MCCC2: variants seen among roughly 807,000 people sequenced by gnomAD.
MCCC2 encodes the protein methylcrotonyl-CoA carboxylase subunit 2.
A neutral mutation model predicts 77.2 loss-of-function variants in MCCC2; 52 were observed. The observed-to-expected ratio is 0.67, with a 90% CI of 0.54 to 0.85. The LOEUF (loss-of-function observed/expected upper bound fraction) is 0.85. Among genes scored for constraint, MCCC2 ranks in the 40% least tolerant of loss-of-function variants. MCCC2 has a pLI of 0.00. For synonymous variants in MCCC2, 253 were observed against 248.4 expected (o/e 1.02, Z -0.18); for missense variants, 682 against 703.2 (o/e 0.97, Z 0.34).
At chr5:71,643,470 T>C (rs1253739462) in intron 11 of MCCC2, among the ~76,000 whole-genome samples, 1 of 152,236 alleles carries the variant, frequency 6.6e-6, no homozygotes, top group Non-Finnish European at 1.5e-5. Flanking sequence ...TATTTTGATA[T>C]TAAAAATGAT....
chr5:71,632,776 G>T (rs1306105511), intron 8 of MCCC2, among the ~76,000 whole-genome samples: 1 of 152,144 alleles, frequency 6.6e-6, no homozygotes, highest in Admixed American at 6.5e-5. Flanking sequence ...ATCAGACACA[G>T]ATGCACGTAG....
chr5:71,632,091 T>C, intron 7 of MCCC2, 30 bp from the exon 8 acceptor site: 1 of 1,609,268 alleles, frequency 6.2e-7, no homozygotes, highest in East Asian at 2.2e-5. Context: ...GATGGACCGA[T>C]TTCACTGATG....
chr5:71,613,128 C>T (rs895918098), intron 6 of MCCC2, among the ~76,000 whole-genome samples: 2 of 152,218 alleles, frequency 1.3e-5, no homozygotes, highest in African/African-American at 4.8e-5. Flanking sequence ...GATTTAGGGA[C>T]CACCCAGGTA....
chr5:71,626,873 T>A, intron 7 of MCCC2, 120 bp downstream of exon 7: 3 of 966,012 alleles, frequency 3.1e-6, no homozygotes, highest in Non-Finnish European at 4.8e-6. Flanking sequence ...ACATAAAACT[T>A]ACTGTTGTAA....
chr5:71,633,131 A>ATATATTTTTTTTTTTTAT (rs1554137344), intron 8 of MCCC2, among the ~76,000 whole-genome samples: 1 of 78,094 alleles, frequency 1.3e-5, no homozygotes, highest in Non-Finnish European at 2.4e-5. Context: ...ATATATATAT[A>ATATATTTTTTTTTTTTAT]TTTTTATTTT....
At chr5:71,618,623 T>A (rs1256494228) in intron 6 of MCCC2, among the ~76,000 whole-genome samples, 2 of 151,708 alleles carry the variant, frequency 1.3e-5, no homozygotes, top group African/African-American at 4.9e-5. Context: ...CTGGCTTAAG[T>A]TATCCTCCCA....
chr5:71,626,792 T>G lies in MCCC2; in HGVS notation c.738+39T>G, dbSNP rs576125102. 80 of 1,510,106 alleles carry G rather than the reference T, an allele frequency of 5.3e-5. 1 individual carries two copies. Among genetic ancestry groups the G allele is most frequent in the Non-Finnish European group, 1.4e-5 (15 of 1,085,674 alleles). 93.5% of individuals were successfully genotyped at this position (1,510,106 alleles called of 1,614,324 possible). A position where few individuals can be genotyped will look rare whatever the true frequency, so the allele number is the denominator to read the frequency against. ...AACGTTGGTCGATGGAAATTAAGTA[T>G]GCAGAACATAAAATACACCATTTAA... On this transcript the variant is annotated intron_variant, in intron 7 of 16. Coordinates refer to ENST00000340941, the MANE Select transcript of MCCC2 (RefSeq NM_022132.5).
rs182712095 is a variant in MCCC2, at chr5:71,652,096, A to G, written c.1489-573A>G. Among the ~76,000 whole-genome samples the G allele has an allele frequency of 2.7e-3, 409 of 152,312 alleles. 2 individuals carry two copies. Among genetic ancestry groups the G allele is most frequent in the Non-Finnish European group, 4.8e-3 (329 of 68,038 alleles). ...GTTGAAAGTATTTTTCAGGGTTTCAAATTAAGTTCTGAAGATTTTTACATC... is the reference window on the plus strand; with the variant it reads ...GTTGAAAGTATTTTTCAGGGTTTCAGATTAAGTTCTGAAGATTTTTACATC... On this transcript the variant is annotated intron_variant, in intron 15 of 16. Transcript: ENST00000340941.
rs150591260 is a variant in MCCC2, at chr5:71,641,018, G to C, written c.1015G>C (p.Val339Leu). Residue 339 changes from valine to leucine, a missense_variant, in exon 11 of 17, where the codon GTG becomes CTG. Coordinates refer to ENST00000340941, the MANE Select transcript of MCCC2 (RefSeq NM_022132.5). ...FDVREVIARI[V>L]DGSRFTEFKA... ...TTCCTCTTAGGTCATTGCTAGAATC[G>C]TGGATGGAAGCAGATTCACTGAGTT... The C allele has an allele frequency of 6.2e-7, 1 of 1,613,988 alleles. No individual in the cohort carries two copies.
At chr5:71,630,320 C>T (rs543481360) in intron 7 of MCCC2, among the ~76,000 whole-genome samples, 1 of 152,200 alleles carries the variant, frequency 6.6e-6, no homozygotes, top group African/African-American at 2.4e-5. Flanking sequence ...TTTTTGAAGG[C>T]GCTTTTTGTT....
Position 71,587,402 on chromosome 5 carries a change from C to A in MCCC2, c.-24C>A, listed in dbSNP as rs753645824. On this transcript the variant is annotated 5_prime_UTR_variant, in exon 1 of 17. Coordinates refer to ENST00000340941, the MANE Select transcript of MCCC2 (RefSeq NM_022132.5). ...ACCGGCTCCAGGCCAGCGTGGGCCG[C>A]TCTCTCGCTCGGTGCCCGCCGCCAT... 6.1e-5 allele frequency: 93 copies of A among 1,532,526 alleles called. No homozygotes were observed. Among genetic ancestry groups the A allele is most frequent in the Non-Finnish European group, 7.7e-5 (88 of 1,145,600 alleles). 94.9% of individuals were successfully genotyped at this position (1,532,526 alleles called of 1,614,324 possible).
intron 6 of MCCC2, among the ~76,000 whole-genome samples, chr5:71,617,830 A>T (rs1477668475): frequency 6.6e-6 from 1 of 152,236 alleles, no homozygotes; most frequent in East Asian, 1.9e-4. Context: ...GTCTATTGGC[A>T]ATCATACCCG....
In MCCC2 at chr5:71,598,444, ATTAT is replaced by A. The variant is rs1441150443; in HGVS notation, c.282-1208_282-1205del. Among the ~76,000 whole-genome samples, 20 of 150,600 alleles carry A rather than the reference ATTAT, an allele frequency of 1.3e-4. No homozygotes were observed. The South Asian group carries it at 3.4e-3, about 25-fold the overall frequency. On this transcript the variant is annotated intron_variant, in intron 3 of 16. Transcript: ENST00000340941. The stretch of plus-strand genomic sequence containing the variant: ...GATTTTTATTTTAATTAATTAATTA[ATTAT>A]TTATTTTTTGAGATGGAGTTTTGCC...
intron 6 of MCCC2, among the ~76,000 whole-genome samples, chr5:71,619,412 C>G (rs1746288972): frequency 6.6e-6 from 1 of 152,000 alleles, no homozygotes; most frequent in Non-Finnish European, 1.5e-5. Context: ...CACCACCTTG[C>G]CTGGCTAATT....
At position 71,596,463 on chromosome 5, in the gene MCCC2, C is replaced by T. The variant is rs892790187; in HGVS notation, c.281+99C>T. ...AGTTATTTTGAATTCTAGTTCTCAT[C>T]GTAAGATTCAGGAACATGTGTTTAT... On this transcript the variant is annotated intron_variant, in intron 3 of 16. Coordinates refer to ENST00000340941, the MANE Select transcript of MCCC2 (RefSeq NM_022132.5). 1.0e-5 allele frequency: 11 copies of T among 1,090,820 alleles called. No homozygotes were observed. In the Admixed American group the frequency reaches 1.2e-4, roughly 12 times the overall value. 67.6% of individuals were successfully genotyped at this position (1,090,820 alleles called of 1,614,324 possible). A position where few individuals can be genotyped will look rare whatever the true frequency, so the allele number is the denominator to read the frequency against.
At chr5:71,604,138 A>G (rs1745568199) in intron 5 of MCCC2, among the ~76,000 whole-genome samples, 1 of 152,154 alleles carries the variant, frequency 6.6e-6, no homozygotes, top group Non-Finnish European at 1.5e-5. Flanking sequence ...TTCGAGAAGA[A>G]TTTTGCACAG....
chr5:71,626,522 A>G lies in MCCC2; in HGVS notation c.625-118A>G, dbSNP rs1465463106. On this transcript the variant is annotated intron_variant, in intron 6 of 16. Transcript: ENST00000340941. Reference sequence around the variant, plus strand: ...GGACTTTGTTTTTAAAATGATGTTCAGGGACCAACCAGTAATATCCCCTGG... The same window carrying G: ...GGACTTTGTTTTTAAAATGATGTTCGGGGACCAACCAGTAATATCCCCTGG... 36 of 769,742 alleles carry G rather than the reference A, an allele frequency of 4.7e-5. 1 individual carries two copies. Among genetic ancestry groups the G allele is most frequent in the South Asian group, 4.6e-4 (31 of 66,820 alleles). 47.7% of individuals were successfully genotyped at this position (769,742 alleles called of 1,614,324 possible).
At chr5:71,652,641 G>T in intron 15 of MCCC2, 28 bp from the exon 16 acceptor site, 1 of 1,592,552 alleles carries the variant, frequency 6.3e-7, no homozygotes, top group South Asian at 1.1e-5. Flanking sequence ...CACTGAAGCT[G>T]ACTTACTCAT....
chr5:71,593,178 C>T (rs1745049896), intron 2 of MCCC2, among the ~76,000 whole-genome samples, 186 bp downstream of exon 2: 1 of 151,724 alleles, frequency 6.6e-6, no homozygotes, highest in African/African-American at 2.4e-5. Flanking sequence ...ACCTCCGCCT[C>T]CTGGGTTCAA....
Sources: allele counts gnomAD v4.1 joint callset (sites outside exome capture counted in the v4.1 genomes callset), GRCh38; gene constraint gnomAD v4.1.1; transcripts MANE v1.5; gene names NCBI Gene and HGNC (gene_info 2026-07-23, HGNC 2026-07-21).